The following TET3 variants were observed in gnomAD, a reference collection of about 807,000 sequenced individuals.
TET3 encodes tet methylcytosine dioxygenase 3.
A neutral mutation model predicts 141.4 loss-of-function variants in TET3; 19 were observed. That is an observed-to-expected ratio of 0.13 (90% CI 0.09 to 0.20). The LOEUF is 0.20. Ranked by LOEUF, TET3 falls within the 10% of genes least tolerant of loss-of-function variation. The pLI is 1.00. For synonymous variants in TET3, 1,043 were observed against 980.9 expected, an observed-to-expected ratio of 1.06 and a Z score of -1.18; for missense variants, 1,874 against 2,356.9, an observed-to-expected ratio of 0.80 and a Z score of 4.24.
chr2:74,089,884 C>T lies in TET3; in HGVS notation c.2889-13C>T. Reference sequence around the variant, plus strand: ...ATTGCATCTATATCCCTGACCTGTGCTGTGTGTTGCAGCCGGACCTGCGCT... The same window carrying T: ...ATTGCATCTATATCCCTGACCTGTGTTGTGTGTTGCAGCCGGACCTGCGCT... On this transcript the variant is annotated splice_polypyrimidine_tract_variant and intron_variant, in intron 7 of 11. Transcript: ENST00000409262. 1 of 1,613,894 alleles carries T rather than the reference C, an allele frequency of 6.2e-7. No homozygotes were observed. Among genetic ancestry groups the T allele is most frequent in the South Asian group, 1.1e-5 (1 of 91,072 alleles).
At chr2:73,991,201 A>T (rs542618945) in intron 2 of TET3, among the ~76,000 whole-genome samples, 1 of 151,950 alleles carries the variant, frequency 6.6e-6, no homozygotes, top group Admixed American at 6.6e-5. Flanking sequence ...TAGTCTTTAG[A>T]ATATCGTCTT....
At chr2:73,990,032 C>T (rs1684243982) in intron 2 of TET3, among the ~76,000 whole-genome samples, 2 of 152,088 alleles carry the variant, frequency 1.3e-5, no homozygotes, top group Admixed American at 6.6e-5. Flanking sequence ...ACAAAACATT[C>T]CTAAACATCT....
intron 4 of TET3, among the ~76,000 whole-genome samples, chr2:74,065,049 C>A (rs1188038735): frequency 1.3e-5 from 2 of 152,070 alleles, no homozygotes; most frequent in African/African-American, 4.8e-5. Context: ...TTATATTTTT[C>A]TTTTTATGTA....
At chr2:74,032,483 G>GCGCGCGCGCGCGCGCGCGCGCGA in intron 3 of TET3, among the ~76,000 whole-genome samples, 1 of 150,464 alleles carries the variant, frequency 6.6e-6, no homozygotes, top group South Asian at 2.1e-4. Flanking sequence ...GTGTGTGTGT[G>GCGCGCGCGCGCGCGCGCGCGCGA]TGTGTGTGTG....
chr2:74,094,648 G>A (rs904500967), intron 10 of TET3, among the ~76,000 whole-genome samples: 5 of 152,192 alleles, frequency 3.3e-5, no homozygotes, highest in Non-Finnish European at 4.4e-5. Flanking sequence ...GAGGGGACAC[G>A]GCTTGGGCAG....
intron 6 of TET3, among the ~76,000 whole-genome samples, chr2:74,086,565 A>G (rs1020181967): frequency 7.9e-5 from 12 of 152,102 alleles, no homozygotes; most frequent in Non-Finnish European, 1.6e-4. Flanking sequence ...AGGCAGGAGG[A>G]TCACGTGAGC....
chr2:74,096,156 T>A (rs1166637512), intron 10 of TET3, among the ~76,000 whole-genome samples: 1 of 152,226 alleles, frequency 6.6e-6, no homozygotes, highest in Non-Finnish European at 1.5e-5. Context: ...ACATCTTATC[T>A]TTTGGATTTT....
At chr2:74,011,153 G>A (rs1248490400) in intron 3 of TET3, among the ~76,000 whole-genome samples, 18 of 150,880 alleles carry the variant, frequency 1.2e-4, no homozygotes, top group African/African-American at 4.2e-4. Context: ...GCTTGAACCC[G>A]GGAGGCAGAG....
chr2:74,008,571 G>T (rs1342193618), intron 3 of TET3, among the ~76,000 whole-genome samples: 5 of 152,134 alleles, frequency 3.3e-5, no homozygotes, highest in Non-Finnish European at 7.4e-5. Flanking sequence ...GGGGTTGATT[G>T]CAGATTCTAC....
intron 3 of TET3, among the ~76,000 whole-genome samples, chr2:74,007,520 A>ATGAACCT (rs1428318355): frequency 2.0e-5 from 3 of 152,236 alleles, no homozygotes; most frequent in Non-Finnish European, 4.4e-5. Context: ...GCAATCTACC[A>ATGAACCT]TGAACCTGAA....
intron 3 of TET3, among the ~76,000 whole-genome samples, chr2:74,009,664 G>A (rs564215541): frequency 1.3e-5 from 2 of 152,172 alleles, no homozygotes; most frequent in Non-Finnish European, 2.9e-5. Flanking sequence ...CATGGCTTCA[G>A]TCCATCCCTA....
intron 2 of TET3, among the ~76,000 whole-genome samples, chr2:74,001,087 G>C (rs1246090699): frequency 3.3e-5 from 5 of 152,172 alleles, no homozygotes; most frequent in African/African-American, 1.2e-4. Context: ...CCTGAGCTGT[G>C]CTTAGGACAC....
At chr2:74,119,126 C>T in the TET3 span, among the ~76,000 whole-genome samples, 1 of 152,058 alleles carries the variant, frequency 6.6e-6, no homozygotes, top group Non-Finnish European at 1.5e-5. Context: ...GAGGCTGAGG[C>T]GGGATCACTT....
downstream of TET3, among the ~76,000 whole-genome samples, chr2:74,109,777 G>A (rs116315145): frequency 7.8e-3 from 1,182 of 152,278 alleles, 14 homozygotes; most frequent in African/African-American, 0.028. Context: ...CTCTAGAAAT[G>A]AGCAATTTGT....
At chr2:74,011,094 G>A (rs1298837498) in intron 3 of TET3, among the ~76,000 whole-genome samples, 1 of 152,104 alleles carries the variant, frequency 6.6e-6, no homozygotes, top group South Asian at 2.1e-4. Flanking sequence ...TGGGTGCGGT[G>A]GTGGGTGCCC....
chr2:73,987,382 C>T (rs1423125625), intron 2 of TET3, among the ~76,000 whole-genome samples: 2 of 152,146 alleles, frequency 1.3e-5, no homozygotes, highest in Non-Finnish European at 2.9e-5. Flanking sequence ...GGGAGGTGTA[C>T]TCCCTTTATT....
chr2:74,052,955 T>A (rs1348549862), intron 4 of TET3, among the ~76,000 whole-genome samples: 1 of 152,222 alleles, frequency 6.6e-6, no homozygotes, highest in Non-Finnish European at 1.5e-5. Flanking sequence ...AATATGAGCA[T>A]CACCATGTAA....
chr2:74,100,361 C>A, intron 11 of TET3, 32 bp from the exon 12 acceptor site: 2 of 1,547,262 alleles, frequency 1.3e-6, no homozygotes, highest in South Asian at 1.2e-5. Flanking sequence ...GTGTTGTCTG[C>A]CCCTCTGCCA....
intron 3 of TET3, among the ~76,000 whole-genome samples, chr2:74,014,769 C>T (rs1685643729): frequency 6.6e-6 from 1 of 152,096 alleles, no homozygotes; most frequent in African/African-American, 2.4e-5. Context: ...CTGGTCTAGG[C>T]TGCAGGCTAA....
Sources: gnomAD v4.1 joint callset for allele counts (sites outside exome capture counted in the v4.1 genomes callset) on GRCh38, gnomAD v4.1.1 for gene constraint, MANE v1.5 for transcripts, NCBI Gene and HGNC (gene_info 2026-07-23, HGNC 2026-07-21) for gene names.